GRM3: variants seen among roughly 807,000 people sequenced by gnomAD.
GRM3 encodes metabotropic glutamate receptor 3.
A neutral mutation model predicts 70.5 loss-of-function variants in GRM3; 26 were observed. The observed-to-expected ratio is 0.37, with a 90% CI of 0.27 to 0.51. GRM3 has a LOEUF of 0.51. GRM3 is among the 20% of genes least tolerant of loss of function. GRM3 has a pLI of 0.93. For missense variants in GRM3, 859 were observed against 1,123.8 expected, an observed-to-expected ratio of 0.76 and a Z score of 3.37; for synonymous variants, 443 against 434.9, an observed-to-expected ratio of 1.02 and a Z score of -0.23.
At chr7:86,771,465 G>A (rs1175766376) in intron 2 of GRM3, among the ~76,000 whole-genome samples, 2 of 151,760 alleles carry the variant, frequency 1.3e-5, no homozygotes, top group Non-Finnish European at 2.9e-5. Context: ...ATTATAACTA[G>A]GGTTCTCATA....
chr7:86,700,107 G>A (rs543709719), intron 1 of GRM3, among the ~76,000 whole-genome samples: 80 of 151,712 alleles, frequency 5.3e-4, no homozygotes, highest in Non-Finnish European at 9.4e-4. Flanking sequence ...CAGTGAGATT[G>A]CCATTAACCA....
At chr7:86,725,724 T>C (rs1198782697) in intron 1 of GRM3, among the ~76,000 whole-genome samples, 1 of 152,156 alleles carries the variant, frequency 6.6e-6, no homozygotes, top group Non-Finnish European at 1.5e-5. Context: ...TGTATTACTA[T>C]AGACTGGTTG....
At chr7:86,788,051 G>C (rs1298571545) in intron 3 of GRM3, among the ~76,000 whole-genome samples, 1 of 152,162 alleles carries the variant, frequency 6.6e-6, no homozygotes, top group Non-Finnish European at 1.5e-5. Flanking sequence ...CAAAGATTTT[G>C]ATGCCAAAAA....
At chr7:86,816,321 T>A (rs1798014047) in intron 3 of GRM3, among the ~76,000 whole-genome samples, 1 of 151,828 alleles carries the variant, frequency 6.6e-6, no homozygotes, top group Non-Finnish European at 1.5e-5. Flanking sequence ...GGTTCAAGGG[T>A]ACATGTGCAG....
intron 1 of GRM3, among the ~76,000 whole-genome samples, chr7:86,672,804 A>G (rs950217288): frequency 7.2e-5 from 11 of 152,134 alleles, no homozygotes; most frequent in African/African-American, 2.7e-4. Context: ...CTTTCCATGT[A>G]GTTTTCACAA....
chr7:86,721,855 CTG>C (rs1747800067), intron 1 of GRM3, among the ~76,000 whole-genome samples: 1 of 152,112 alleles, frequency 6.6e-6, no homozygotes. Flanking sequence ...ATGCCACAAA[CTG>C]TGACAAGGCA....
chr7:86,725,911 C>T (rs1795582836), intron 1 of GRM3, among the ~76,000 whole-genome samples: 1 of 152,090 alleles, frequency 6.6e-6, no homozygotes, highest in Admixed American at 6.6e-5. Flanking sequence ...GTTTCTTTCT[C>T]TTCTTAGAAG....
intron 1 of GRM3, among the ~76,000 whole-genome samples, chr7:86,740,106 A>G (rs1333786523): frequency 1.3e-5 from 2 of 152,204 alleles, no homozygotes; most frequent in Non-Finnish European, 2.9e-5. Flanking sequence ...AAAACTTACA[A>G]ATCAGAAGAA....
rs375003305 is a variant in GRM3, at chr7:86,765,094, T to C, written c.-52T>C. On this transcript the variant is annotated 5_prime_UTR_variant, in exon 2 of 6. It removes an upstream start codon present in the reference 5' UTR. Coordinates refer to ENST00000361669, the MANE Select transcript of GRM3 (RefSeq NM_000840.3). ...GTTTGGAAATGAGAGAGGACTAGCA[T>C]GACACATTGGCTCCACCATTGATAT... 6.6e-7 allele frequency: 1 copy of C among 1,520,710 alleles called. No individual in the cohort carries two copies. Among genetic ancestry groups the C allele is most frequent in the African/African-American group, 1.4e-5 (1 of 71,912 alleles). 94.2% of individuals were successfully genotyped at this position (1,520,710 alleles called of 1,614,324 possible). A position where few individuals can be genotyped will look rare whatever the true frequency, so the allele number is the denominator to read the frequency against.
chr7:86,653,190 C>T lies in GRM3; in HGVS notation c.-141+8318C>T, dbSNP rs1037172099. Among the ~76,000 whole-genome samples the T allele has an allele frequency of 3.9e-5, 6 of 152,280 alleles. No homozygotes were observed. In the South Asian group the frequency reaches 1.2e-3, roughly 32 times the overall value. The stretch of plus-strand genomic sequence containing the variant: ...AAGAGGAGGTGCTCTGGGCTCTCCT[C>T]CTCTTATAAATACATGAATTCCACC... On this transcript the variant is annotated intron_variant, in intron 1 of 5. Transcript: ENST00000361669.
At chr7:86,843,845 T>C (rs568702374) in intron 4 of GRM3, among the ~76,000 whole-genome samples, 1 of 152,312 alleles carries the variant, frequency 6.6e-6, no homozygotes, top group Non-Finnish European at 1.5e-5. Flanking sequence ...AATGCTGTAA[T>C]GAGATTTTTA....
At chr7:86,765,813 C>G (rs537285037) in intron 2 of GRM3, among the ~76,000 whole-genome samples, 200 bp downstream of exon 2, 1 of 152,186 alleles carries the variant, frequency 6.6e-6, no homozygotes, top group South Asian at 2.1e-4. Flanking sequence ...AGAAGCATAT[C>G]AGGTAGCTAT....
At chr7:86,671,423 T>C (rs1305446551) in intron 1 of GRM3, among the ~76,000 whole-genome samples, 2 of 152,242 alleles carry the variant, frequency 1.3e-5, no homozygotes, top group Non-Finnish European at 2.9e-5. Flanking sequence ...ATCTAGCACA[T>C]AGTAAAAGCA....
In GRM3 at chr7:86,785,685, A is replaced by ATTTTTTTTTTTTTTTTTTTT. The variant is rs749456155; in HGVS notation, c.469-562_469-543dup. ...TTGGGTGGTGGACTAAATAGAATTG[A>ATTTTTTTTTTTTTTTTTTTT]TTTTTTTTTTTTTTTTTTTTTTTTT... On this transcript the variant is annotated intron_variant, in intron 2 of 5. Coordinates refer to ENST00000361669, the MANE Select transcript of GRM3 (RefSeq NM_000840.3). Among the ~76,000 whole-genome samples, 11 of 65,234 alleles carry ATTTTTTTTTTTTTTTTTTTT rather than the reference A, an allele frequency of 1.7e-4. 2 individuals are homozygous for ATTTTTTTTTTTTTTTTTTTT. Among genetic ancestry groups the ATTTTTTTTTTTTTTTTTTTT allele is most frequent in the South Asian group, 6.3e-4 (1 of 1,582 alleles). The allele number at this position is 65,234 out of a possible 152,430, so 42.8% of individuals were successfully genotyped here.
rs1795538772 is a variant in GRM3 at position 86,724,186 on chromosome 7, T to C, written c.-140-40820T>C. Among the ~76,000 whole-genome samples, 3 of 152,084 alleles carry C rather than the reference T, an allele frequency of 2.0e-5. No individual in the cohort carries two copies. In the South Asian group the frequency reaches 6.2e-4, roughly 32 times the overall value. ...AACTGTATCTAAGATGATGTGTAGA[T>C]AAATAGGTTAAATAGAATGCTCTTA... is the stretch of plus-strand genomic sequence containing the variant. On this transcript the variant is annotated intron_variant, in intron 1 of 5. Coordinates refer to ENST00000361669, the MANE Select transcript of GRM3 (RefSeq NM_000840.3).
At chr7:86,717,770 C>T (rs533341477) in intron 1 of GRM3, among the ~76,000 whole-genome samples, 2 of 151,906 alleles carry the variant, frequency 1.3e-5, no homozygotes, top group African/African-American at 4.8e-5. Flanking sequence ...AGATGGGCAT[C>T]GAGGAAAGGG....
Position 86,645,869 on chromosome 7 carries a change from T to C in GRM3, c.-141+997T>C, listed in dbSNP as rs564662776. Among the ~76,000 whole-genome samples the C allele has an allele frequency of 6.6e-5, 10 of 151,410 alleles. No individual in the cohort carries two copies. The South Asian group carries it at 2.1e-3, about 32-fold the overall frequency. On this transcript the variant is annotated intron_variant, in intron 1 of 5. Coordinates refer to ENST00000361669, the MANE Select transcript of GRM3 (RefSeq NM_000840.3). ...CATATTGGAATATTCAAAGTTGAGG[T>C]TAATGTGAGTTGAGGTAGGTGTGAG...
chr7:86,815,675 T>C (rs1010068021), intron 3 of GRM3, among the ~76,000 whole-genome samples: 25 of 151,918 alleles, frequency 1.6e-4, no homozygotes, highest in African/African-American at 5.6e-4. Context: ...ATATACTTTA[T>C]CATCCAACCC....
At chr7:86,756,621 G>A (rs1246726677) in intron 1 of GRM3, among the ~76,000 whole-genome samples, 1 of 152,012 alleles carries the variant, frequency 6.6e-6, no homozygotes, top group Non-Finnish European at 1.5e-5. Context: ...TATTCTGATT[G>A]TTTTCAAGGA....
Sources: allele counts gnomAD v4.1 joint callset (sites outside exome capture counted in the v4.1 genomes callset), GRCh38; gene constraint gnomAD v4.1.1; transcripts MANE v1.5; gene names NCBI Gene and HGNC (gene_info 2026-07-23, HGNC 2026-07-21).